Variants in FTCDNL1 observed in about 807,000 individuals in gnomAD.
The protein encoded by FTCDNL1 is formiminotransferase N-terminal subdomain-containing protein.
FTCDNL1 carries 11 observed loss-of-function variants against 5.9 expected under a neutral mutation model. That is an observed-to-expected ratio of 1.87 (90% CI 1.18 to 3.10). The LOEUF is 3.10. FTCDNL1 is among the 30% of genes most tolerant of loss of function. The pLI is 0.00. For synonymous variants in FTCDNL1, 58 were observed against 24.8 expected, an observed-to-expected ratio of 2.34 and a Z score of -3.99; for missense variants, 115 against 65.5, an observed-to-expected ratio of 1.76 and a Z score of -2.61.
the FTCDNL1 span, among the ~76,000 whole-genome samples, chr2:199,721,373 C>T: frequency 0.2 from 30,921 of 151,992 alleles, 3,375 homozygotes; most frequent in East Asian, 0.32. Flanking sequence ...ATGCAGTGTT[C>T]GGTTTTCTGT....
At chr2:199,755,139 G>A in the FTCDNL1 span, among the ~76,000 whole-genome samples, 1 of 152,174 alleles carries the variant, frequency 6.6e-6, no homozygotes, top group African/African-American at 2.4e-5. Context: ...AACTCTTCCA[G>A]AGAAAGGCAG....
At chr2:199,671,402 A>C in the FTCDNL1 span, among the ~76,000 whole-genome samples, 677 of 152,162 alleles carry the variant, frequency 4.4e-3, 7 homozygotes, top group African/African-American at 0.016. Context: ...GGTTGGGAGA[A>C]GGGCATTCCA....
At chr2:199,744,579 G>T in the FTCDNL1 span, among the ~76,000 whole-genome samples, 1 of 152,222 alleles carries the variant, frequency 6.6e-6, no homozygotes, top group Non-Finnish European at 1.5e-5. Flanking sequence ...CAGGCTTCCA[G>T]CCTCCAGAAC....
chr2:199,714,749 G>A, the FTCDNL1 span, among the ~76,000 whole-genome samples: 1 of 152,108 alleles, frequency 6.6e-6, no homozygotes, highest in African/African-American at 2.4e-5. Flanking sequence ...GAGGGTCACA[G>A]GTATGGGATG....
chr2:199,819,543 C>G (rs773752432), intron 4 of FTCDNL1, 29 bp downstream of exon 4: 1 of 624,900 alleles, frequency 1.6e-6, no homozygotes, highest in Non-Finnish European at 2.8e-6. Context: ...AAAAAAAAAA[C>G]AGAGCAAAGC....
At chr2:199,707,668 T>A in the FTCDNL1 span, among the ~76,000 whole-genome samples, 1 of 152,064 alleles carries the variant, frequency 6.6e-6, no homozygotes, top group Non-Finnish European at 1.5e-5. Context: ...CAGCTTTTGT[T>A]TAATTCAAAC....
the FTCDNL1 span, among the ~76,000 whole-genome samples, chr2:199,670,766 T>G: frequency 2.0e-5 from 3 of 152,096 alleles, no homozygotes; most frequent in Non-Finnish European, 4.4e-5. Context: ...CAAGAGACAC[T>G]AGAGCAGGCT....
the FTCDNL1 span, among the ~76,000 whole-genome samples, chr2:199,731,528 C>T: frequency 6.6e-6 from 1 of 152,012 alleles, no homozygotes; most frequent in Non-Finnish European, 1.5e-5. Flanking sequence ...CAGTTGTGCC[C>T]CCTAGGAATT....
the FTCDNL1 span, among the ~76,000 whole-genome samples, chr2:199,685,645 C>T: frequency 6.6e-6 from 1 of 152,126 alleles, no homozygotes; most frequent in Non-Finnish European, 1.5e-5. Flanking sequence ...AAGTTGCAAT[C>T]AATTCAAATC....
At chr2:199,790,133 C>T (rs187421661) in intron 3 of FTCDNL1, among the ~76,000 whole-genome samples, 37 of 151,962 alleles carry the variant, frequency 2.4e-4, no homozygotes, top group Non-Finnish European at 5.2e-4. Flanking sequence ...TTTTGAAAGA[C>T]TATGTAAAAA....
At chr2:199,769,326 G>A (rs929375173) in intron 3 of FTCDNL1, among the ~76,000 whole-genome samples, 5 of 152,064 alleles carry the variant, frequency 3.3e-5, no homozygotes, top group Non-Finnish European at 5.9e-5. Context: ...ATTGAATCAC[G>A]GAGGCAGTTT....
At chr2:199,763,843 T>A (rs943260717) in intron 3 of FTCDNL1, among the ~76,000 whole-genome samples, 1 of 152,166 alleles carries the variant, frequency 6.6e-6, no homozygotes, top group African/African-American at 2.4e-5. Flanking sequence ...TATTTTTTAT[T>A]TTTATTTTAT....
At chr2:199,753,925 T>C in the FTCDNL1 span, among the ~76,000 whole-genome samples, 2 of 152,218 alleles carry the variant, frequency 1.3e-5, no homozygotes, top group Non-Finnish European at 2.9e-5. Flanking sequence ...TGGATCTTTC[T>C]ACAGTTAACA....
chr2:199,706,301 C>G, the FTCDNL1 span, among the ~76,000 whole-genome samples: 22 of 152,074 alleles, frequency 1.4e-4, no homozygotes, highest in Admixed American at 5.9e-4. Context: ...GGATGGAAAC[C>G]ACAACATCCC....
intron 3 of FTCDNL1, among the ~76,000 whole-genome samples, chr2:199,834,878 G>A (rs530665878): frequency 4.7e-4 from 71 of 152,168 alleles, no homozygotes; most frequent in Non-Finnish European, 9.6e-4. Context: ...CTCTGCTTTC[G>A]ATTGTCAGAA....
At chr2:199,846,026 C>T in intron 3 of FTCDNL1, 49 bp downstream of exon 3, 1 of 656,218 alleles carries the variant, frequency 1.5e-6, no homozygotes. Flanking sequence ...TCAGGTCTAC[C>T]TGAACCAAAA....
In FTCDNL1 at chr2:199,777,539, TTTAC is replaced by T. The variant is rs1352056097; in HGVS notation, c.212-16708_212-16705del. 1.1e-4 allele frequency among the ~76,000 whole-genome samples: 16 copies of T among 152,318 alleles called. No individual in the cohort carries two copies. In the South Asian group the frequency reaches 1.4e-3, roughly 14 times the overall value. ...ACCCAAACTATGGAGGGTCCTCTGC[TTTAC>T]TTAAAGTTGGCCGATGTAAATATTA... is the stretch of plus-strand genomic sequence containing the variant. On this transcript the variant is annotated intron_variant, in intron 3 of 3. Transcript: ENST00000416668.
At chr2:199,748,852 G>C in the FTCDNL1 span, among the ~76,000 whole-genome samples, 1 of 152,146 alleles carries the variant, frequency 6.6e-6, no homozygotes, top group Non-Finnish European at 1.5e-5. Flanking sequence ...TGAGAGAGGG[G>C]AGCTGGAAAG....
At chr2:199,791,507 G>A (rs1168695533) in intron 3 of FTCDNL1, among the ~76,000 whole-genome samples, 2 of 152,112 alleles carry the variant, frequency 1.3e-5, no homozygotes, top group Non-Finnish European at 2.9e-5. Flanking sequence ...ATATCATAAA[G>A]CACTACACTT....
Sources: gnomAD v4.1 joint callset for allele counts (sites outside exome capture counted in the v4.1 genomes callset) on GRCh38, gnomAD v4.1.1 for gene constraint, MANE v1.5 for transcripts, NCBI Gene and HGNC (gene_info 2026-07-23, HGNC 2026-07-21) for gene names.